ADGRG5: variants seen among roughly 807,000 people sequenced by gnomAD.
ADGRG5 encodes the protein adhesion G protein-coupled receptor G5, also known as G protein-coupled receptor 114.
ADGRG5 carries 37 observed loss-of-function variants against 53.2 expected under a neutral mutation model. That is an observed-to-expected ratio of 0.70 (90% CI 0.53 to 0.91). The LOEUF (loss-of-function observed/expected upper bound fraction) is 0.91, where lower values mean the gene tolerates loss of function less well. Among genes scored for constraint, ADGRG5 ranks in the 40% least tolerant of loss-of-function variants. ADGRG5 has a pLI of 0.00. For synonymous variants in ADGRG5, 277 were observed against 290.4 expected, an observed-to-expected ratio of 0.95 and a Z score of 0.47; for missense variants, 614 against 675.8, an observed-to-expected ratio of 0.91 and a Z score of 1.01.
chr16:57,548,787 CT>C (rs1250034959), intron 1 of ADGRG5, among the ~76,000 whole-genome samples: 1 of 140,760 alleles, frequency 7.1e-6, no homozygotes, highest in Admixed American at 7.3e-5. Context: ...GTGTCAGTAG[CT>C]TTTTTTTAGA....
chr16:57,558,378 A>C (rs2032928362), intron 1 of ADGRG5, among the ~76,000 whole-genome samples: 1 of 152,226 alleles, frequency 6.6e-6, no homozygotes, highest in African/African-American at 2.4e-5. Flanking sequence ...CTTGAGTCCC[A>C]CAGGAATTTT....
In ADGRG5 at chr16:57,575,824, G is replaced by T; in HGVS notation, c.*286G>T. 1 of 406,172 alleles carries T rather than the reference G, an allele frequency of 2.5e-6. No homozygotes were observed. The allele number at this position is 406,172 out of a possible 1,614,324, so 25.2% of individuals were successfully genotyped here. ...AGGGATGTGGGCAGAGCACCAGCCT[G>T]GGCATCAGGAAGCCAAGTTTCAAGG... is the stretch of plus-strand genomic sequence containing the variant. On this transcript the variant is annotated 3_prime_UTR_variant, in exon 12 of 12. Coordinates refer to ENST00000349457, the MANE Select transcript of ADGRG5 (RefSeq NM_001304376.3).
At position 57,563,835 on chromosome 16, in the gene ADGRG5, C is replaced by T. The variant is rs1448973025; in HGVS notation, c.298-13C>T. ...TCCTGGTTGCCAAACAGCCTGTTTG[C>T]GACCCTCTGCAGGCAGGAGGTCAGC... On this transcript the variant is annotated splice_polypyrimidine_tract_variant and intron_variant, in intron 4 of 11. Coordinates refer to ENST00000349457, the MANE Select transcript of ADGRG5 (RefSeq NM_001304376.3). 3.1e-6 allele frequency: 5 copies of T among 1,613,018 alleles called. No individual in the cohort carries two copies. In the South Asian group the frequency reaches 3.3e-5, roughly 11 times the overall value.
chr16:57,575,237 G>T, intron 11 of ADGRG5, 145 bp downstream of exon 11: 1 of 1,018,830 alleles, frequency 9.8e-7, no homozygotes, highest in Non-Finnish European at 1.4e-6. Context: ...GCTGGTGGGG[G>T]CTACATCTGC....
rs1301915911 is a variant in ADGRG5 at position 57,576,360 on chromosome 16, T to C, written c.*822T>C. 1 of 152,150 alleles carries C rather than the reference T, an allele frequency of 6.6e-6. No individual in the cohort carries two copies. The highest frequency in any genetic ancestry group is 1.5e-5 in the Non-Finnish European group (1 of 68,050). The allele number at this position is 152,150 out of a possible 1,614,324, so 9.4% of individuals were successfully genotyped here. ...CTTGGGGGCAGAGGAAAACGCTTCTTTCTCCTCCAGCTGAATCAGCTGGAT... is the reference window on the plus strand; with the variant it reads ...CTTGGGGGCAGAGGAAAACGCTTCTCTCTCCTCCAGCTGAATCAGCTGGAT... On this transcript the variant is annotated 3_prime_UTR_variant, in exon 12 of 12. Transcript: ENST00000349457.
In ADGRG5 at chr16:57,575,872, T is replaced by C; in HGVS notation, c.*334T>C. 3.5e-6 allele frequency: 1 copy of C among 283,188 alleles called. No individual in the cohort carries two copies. The highest frequency in any genetic ancestry group is 7.0e-6 in the Non-Finnish European group (1 of 143,742). The allele number at this position is 283,188 out of a possible 1,614,324, so 17.5% of individuals were successfully genotyped here. A position where few individuals can be genotyped will look rare whatever the true frequency, so the allele number is the denominator to read the frequency against. Reference sequence around the variant, plus strand: ...AGGACTGTCTTTGAGTCTGTCTGTATGACCTTGGGCCTGCCACTTCTCACA... The same window carrying C: ...AGGACTGTCTTTGAGTCTGTCTGTACGACCTTGGGCCTGCCACTTCTCACA... On this transcript the variant is annotated 3_prime_UTR_variant, in exon 12 of 12. Transcript: ENST00000349457.
the ADGRG5 span, among the ~76,000 whole-genome samples, chr16:57,532,337 A>G: frequency 3.3e-5 from 5 of 152,170 alleles, no homozygotes; most frequent in African/African-American, 9.7e-5. Flanking sequence ...ACGCACCCAG[A>G]CACAGCCATA....
Position 57,575,711 on chromosome 16 carries a change from T to C in ADGRG5, c.*173T>C, listed in dbSNP as rs2033499383. 3.4e-6 allele frequency: 2 copies of C among 592,418 alleles called. No individual in the cohort carries two copies. The highest frequency in any genetic ancestry group is 6.0e-6 in the Non-Finnish European group (2 of 332,458). The allele number at this position is 592,418 out of a possible 1,614,324, so 36.7% of individuals were successfully genotyped here. On this transcript the variant is annotated 3_prime_UTR_variant, in exon 12 of 12. Coordinates refer to ENST00000349457, the MANE Select transcript of ADGRG5 (RefSeq NM_001304376.3). ...CCAGGCACTGAGGGGAAGGCATTGCTCTACCTCTCCCTGACATTTTGCTCC... is the reference window on the plus strand; with the variant it reads ...CCAGGCACTGAGGGGAAGGCATTGCCCTACCTCTCCCTGACATTTTGCTCC...
In ADGRG5 at chr16:57,574,797, C is replaced by T. The variant is rs541082146; in HGVS notation, c.1209-18C>T. The T allele has an allele frequency of 2.5e-5, 39 of 1,547,806 alleles. 1 individual carries two copies. Among genetic ancestry groups the T allele is most frequent in the East Asian group, 1.6e-4 (7 of 44,038 alleles). On this transcript the variant is annotated intron_variant, in intron 10 of 11. Transcript: ENST00000349457. The surrounding 1 kb of genome is among the most constrained non-coding windows in gnomAD (Gnocchi z 4.4). ...CCTGGGAGCCACTGTGAGCCTGACA[C>T]GTCACCCTCCCCTGCAGATGCTGGG...
In ADGRG5 at chr16:57,563,983, A is replaced by C; in HGVS notation, c.429+4A>C. 2 of 1,610,534 alleles carry C rather than the reference A, an allele frequency of 1.2e-6. No homozygotes were observed. The highest frequency in any genetic ancestry group is 1.7e-6 in the Non-Finnish European group (2 of 1,177,242). The stretch of plus-strand genomic sequence containing the variant: ...CTCCAACACCCACTTTTTCAAGGTC[A>C]GTGTGATGGCGGGCCAAGGAGGGTG... On this transcript the variant is annotated splice_donor_region_variant and intron_variant, in intron 5 of 11. Coordinates refer to ENST00000349457, the MANE Select transcript of ADGRG5 (RefSeq NM_001304376.3).
upstream of ADGRG5, among the ~76,000 whole-genome samples, chr16:57,539,300 G>A (rs1455245280): frequency 6.6e-6 from 1 of 152,138 alleles, no homozygotes; most frequent in Non-Finnish European, 1.5e-5. Context: ...AAAATAGAAC[G>A]GTGATTGCTA....
At chr16:57,555,287 G>A (rs1474364765) in intron 1 of ADGRG5, among the ~76,000 whole-genome samples, 1 of 152,192 alleles carries the variant, frequency 6.6e-6, no homozygotes, top group Admixed American at 6.5e-5. Context: ...GGGAGGGACT[G>A]ATGGGAAGTG....
chr16:57,575,219 C>CCAGCT, intron 11 of ADGRG5, 127 bp downstream of exon 11: 1 of 1,124,482 alleles, frequency 8.9e-7, no homozygotes, highest in Non-Finnish European at 1.3e-6. Context: ...CACAGCTCCA[C>CCAGCT]TAGCTAAGCT....
At chr16:57,558,692 C>A (rs1429390608) in intron 1 of ADGRG5, among the ~76,000 whole-genome samples, 2 of 152,188 alleles carry the variant, frequency 1.3e-5, no homozygotes, top group Non-Finnish European at 2.9e-5. Flanking sequence ...CCATGGGAAC[C>A]AATCTCTGCC....
Position 57,564,695 on chromosome 16 carries a change from G to T in ADGRG5, c.430-339G>T, listed in dbSNP as rs545970544. On this transcript the variant is annotated intron_variant, in intron 5 of 11. Transcript: ENST00000349457. ...CAGGGTGGGGTTGGGGCTCTTCCCA[G>T]TGGGCAGTCCAGGGGAGTTTCTGGG... Among the ~76,000 whole-genome samples, 13 of 152,286 alleles carry T rather than the reference G, an allele frequency of 8.5e-5. No homozygotes were observed. In the South Asian group the frequency reaches 2.7e-3, roughly 32 times the overall value.
the ADGRG5 span, chr16:57,529,292 C>G: frequency 1.8e-6 from 2 of 1,119,336 alleles, no homozygotes; most frequent in Non-Finnish European, 2.2e-6. This position sits in a 1 kb window ranked among gnomAD's most constrained non-coding sequence, Gnocchi z 4.1. Flanking sequence ...CCGCTTCCCT[C>G]TGGGCCACCG....
chr16:57,529,319 TC>T, the ADGRG5 span: 411 of 1,098,170 alleles, frequency 3.7e-4, no homozygotes, highest in Non-Finnish European at 4.3e-4. The surrounding 1 kb of genome is among the most constrained non-coding windows in gnomAD (Gnocchi z 4.1). Context: ...GGACGCCTCC[TC>T]GGACCTACGG....
At chr16:57,572,014 C>T (rs1221501356) in intron 10 of ADGRG5, among the ~76,000 whole-genome samples, 1 of 151,928 alleles carries the variant, frequency 6.6e-6, no homozygotes, top group Non-Finnish European at 1.5e-5. Flanking sequence ...CACTAATGCA[C>T]AGATGTTAGA....
At chr16:57,533,978 C>T in the ADGRG5 span, among the ~76,000 whole-genome samples, 5 of 152,208 alleles carry the variant, frequency 3.3e-5, no homozygotes, top group Non-Finnish European at 7.3e-5. Context: ...CCACCACAGG[C>T]CCCGGGGAGC....
Sources: gnomAD v4.1 joint callset for allele counts (sites outside exome capture counted in the v4.1 genomes callset) on GRCh38, gnomAD v4.1.1 for gene constraint, Gnocchi (gnomAD v3.1) non-coding constraint, MANE v1.5 for transcripts, NCBI Gene and HGNC (gene_info 2026-07-23, HGNC 2026-07-21) for gene names.